RBFOX1: variants seen among roughly 807,000 people sequenced by gnomAD.
RBFOX1 encodes RNA binding protein fox-1 homolog 1.
RBFOX1 carries 8 observed loss-of-function variants against 57.7 expected under a neutral mutation model. That is an observed-to-expected ratio of 0.14 (90% confidence interval 0.08 to 0.25). RBFOX1 has a LOEUF of 0.25. Ranked by LOEUF, RBFOX1 falls within the 10% of genes least tolerant of loss-of-function variation. RBFOX1 has a pLI of 1.00. For missense variants in RBFOX1, 611 were observed against 548.5 expected (o/e 1.11, Z -1.14); for synonymous variants, 326 against 222.4 (o/e 1.47, Z -4.15).
At chr16:7,187,905 C>G (rs1376210358) in intron 4 of RBFOX1, among the ~76,000 whole-genome samples, 2 of 152,002 alleles carry the variant, frequency 1.3e-5, no homozygotes. Flanking sequence ...GTCAAGTGAA[C>G]AAAGTGGTTT....
intron 1 of RBFOX1, among the ~76,000 whole-genome samples, chr16:6,217,384 C>G (rs904078929): frequency 2.0e-5 from 3 of 152,054 alleles, no homozygotes; most frequent in African/African-American, 7.2e-5. Flanking sequence ...GAGGATGTCT[C>G]CTACAGTCTC....
intron 3 of RBFOX1, among the ~76,000 whole-genome samples, chr16:7,020,135 G>A (rs984875504): frequency 4.6e-5 from 7 of 152,124 alleles, no homozygotes; most frequent in Admixed American, 2.0e-4. Flanking sequence ...CAGGCCAGGT[G>A]CGGCGTACCC....
Position 6,812,335 on chromosome 16 carries a change from A to C in RBFOX1, c.-16+157685A>C, listed in dbSNP as rs552704008. Among the ~76,000 whole-genome samples the C allele has an allele frequency of 1.4e-4, 22 of 152,262 alleles. No homozygotes were observed. In the East Asian group the frequency reaches 2.7e-3, roughly 19 times the overall value. ...AACCTTAGAAAGGAAACACAATGCA[A>C]AGTGCCAATTAGCACTGCAAAGTTT... On this transcript the variant is annotated intron_variant, in intron 3 of 15. Transcript: ENST00000550418.
intron 4 of RBFOX1, among the ~76,000 whole-genome samples, chr16:7,263,398 C>G (rs1441751358): frequency 2.0e-5 from 3 of 152,270 alleles, no homozygotes; most frequent in Admixed American, 1.3e-4. Flanking sequence ...CATTGATTCT[C>G]AACCCTGGCT....
intron 1 of RBFOX1, among the ~76,000 whole-genome samples, chr16:6,158,794 G>T (rs896867348): frequency 6.6e-5 from 10 of 152,142 alleles, no homozygotes; most frequent in African/African-American, 2.2e-4. Flanking sequence ...TGGGAAACTG[G>T]GGAGAGGGCA....
intron 2 of RBFOX1, among the ~76,000 whole-genome samples, chr16:6,580,276 G>C (rs2153971864): frequency 6.6e-6 from 1 of 152,228 alleles, no homozygotes; most frequent in East Asian, 1.9e-4. Context: ...CATCTTTTAA[G>C]GGTTTATGTT....
chr16:6,560,433 G>A (rs1255645328), intron 2 of RBFOX1, among the ~76,000 whole-genome samples: 1 of 152,138 alleles, frequency 6.6e-6, no homozygotes, highest in East Asian at 1.9e-4. Flanking sequence ...AAAGCCAGCT[G>A]CATGGATTTG....
chr16:5,421,168 G>C (rs921619219), intron 1 of RBFOX1, among the ~76,000 whole-genome samples: 2 of 151,686 alleles, frequency 1.3e-5, no homozygotes, highest in Admixed American at 1.3e-4. Flanking sequence ...CACTACACCT[G>C]GCTAATTTTT....
At chr16:5,532,053 C>T (rs1415202880) in intron 2 of RBFOX1, among the ~76,000 whole-genome samples, 4 of 152,202 alleles carry the variant, frequency 2.6e-5, no homozygotes, top group Non-Finnish European at 5.9e-5. Flanking sequence ...TCCGCCTCGA[C>T]CTCCCAAAGT....
At chr16:6,254,907 C>A (rs993666530) in intron 1 of RBFOX1, among the ~76,000 whole-genome samples, 1 of 152,094 alleles carries the variant, frequency 6.6e-6, no homozygotes, top group Non-Finnish European at 1.5e-5. Flanking sequence ...ATGCCCACCC[C>A]CACTGTCTAC....
intron 4 of RBFOX1, among the ~76,000 whole-genome samples, chr16:7,122,753 A>T (rs186452797): frequency 2.0e-4 from 31 of 152,294 alleles, no homozygotes; most frequent in Admixed American, 1.9e-3. Context: ...TTTATAAAAA[A>T]CATGTACATG....
At chr16:5,927,799 A>C (rs540114785) in intron 4 of RBFOX1, among the ~76,000 whole-genome samples, 86 of 152,364 alleles carry the variant, frequency 5.6e-4, no homozygotes, top group Admixed American at 9.8e-4. Flanking sequence ...ATTTGTGACA[A>C]AATGGGTAAA....
At chr16:5,523,466 A>G (rs12446618) in intron 2 of RBFOX1, among the ~76,000 whole-genome samples, 39,508 of 151,342 alleles carry the variant, frequency 0.26, 6,716 homozygotes, top group East Asian at 0.85. Flanking sequence ...AATAAAAAAA[A>G]TTAGCCAGGT....
At chr16:7,433,036 A>T (rs916775007) in intron 4 of RBFOX1, among the ~76,000 whole-genome samples, 3 of 152,180 alleles carry the variant, frequency 2.0e-5, no homozygotes, top group Non-Finnish European at 2.9e-5. Context: ...ATGCCACGCA[A>T]AATTCCCGCA....
chr16:5,565,915 G>A (rs1191338144), intron 2 of RBFOX1, among the ~76,000 whole-genome samples: 1 of 152,046 alleles, frequency 6.6e-6, no homozygotes, highest in East Asian at 2.0e-4. Context: ...GTTGTGGGAG[G>A]GACCCGGTGG....
intron 3 of RBFOX1, among the ~76,000 whole-genome samples, chr16:6,810,387 A>G (rs1180239742): frequency 6.6e-6 from 1 of 152,128 alleles, no homozygotes; most frequent in African/African-American, 2.4e-5. Flanking sequence ...AGAGGTAGGC[A>G]CATAAACTAA....
At chr16:6,740,295 A>C (rs552021746) in intron 3 of RBFOX1, among the ~76,000 whole-genome samples, 9 of 152,322 alleles carry the variant, frequency 5.9e-5, no homozygotes, top group East Asian at 5.8e-4. Context: ...AAAAACCTAC[A>C]TCTAATATTG....
intron 3 of RBFOX1, among the ~76,000 whole-genome samples, chr16:6,671,425 A>G (rs2098764238): frequency 6.6e-6 from 1 of 152,242 alleles, no homozygotes; most frequent in Non-Finnish European, 1.5e-5. Context: ...ATTCATGTTC[A>G]TATTCAAACA....
chr16:5,746,102 A>T (rs1464048032), intron 3 of RBFOX1, among the ~76,000 whole-genome samples: 1 of 152,126 alleles, frequency 6.6e-6, no homozygotes, highest in African/African-American at 2.4e-5. Context: ...ATCCATCTTG[A>T]ATTAATTTTT....
Sources: gnomAD v4.1 joint callset for allele counts (sites outside exome capture counted in the v4.1 genomes callset) on GRCh38, gnomAD v4.1.1 for gene constraint, MANE v1.5 for transcripts, NCBI Gene and HGNC (gene_info 2026-07-23, HGNC 2026-07-21) for gene names.